KLHDC1: variants seen among roughly 807,000 people sequenced by gnomAD.
KLHDC1 encodes the protein kelch domain-containing protein 1.
A neutral mutation model predicts 68.3 loss-of-function variants in KLHDC1; 53 were observed. The observed-to-expected ratio is 0.78, with a 90% CI of 0.62 to 0.98. The LOEUF (loss-of-function observed/expected upper bound fraction) is 0.98. Ranked by LOEUF, KLHDC1 falls within the 50% of genes least tolerant of loss-of-function variation. The pLI is 0.00. For synonymous variants in KLHDC1, 148 were observed against 159.0 expected (o/e 0.93, Z 0.52); for missense variants, 470 against 492.3 (o/e 0.95, Z 0.43).
chr14:49,746,804 T>C (rs1187900791), intron 12 of KLHDC1, among the ~76,000 whole-genome samples: 2 of 152,110 alleles, frequency 1.3e-5, no homozygotes, highest in East Asian at 1.9e-4. Flanking sequence ...CTCAGCACAG[T>C]TCCACCTGTG....
At chr14:49,711,150 G>T (rs999816924) in intron 4 of KLHDC1, among the ~76,000 whole-genome samples, 23 of 151,882 alleles carry the variant, frequency 1.5e-4, no homozygotes, top group Non-Finnish European at 3.2e-4. Context: ...CTGCCACCAT[G>T]CCCGGCTAAT....
At chr14:49,726,629 A>G (rs770250045) in intron 6 of KLHDC1, among the ~76,000 whole-genome samples, 2 of 152,236 alleles carry the variant, frequency 1.3e-5, no homozygotes, top group Non-Finnish European at 2.9e-5. Context: ...AAAATACATT[A>G]TCAGTATTCT....
Position 49,752,585 on chromosome 14 carries a change from A to G in KLHDC1, c.*813A>G, listed in dbSNP as rs1889341310. ...TCTAAAGTAATTTTTGTAAGTAATG[A>G]GATGGGATGGTAATCTAGTAATTTG... On this transcript the variant is annotated 3_prime_UTR_variant, in exon 13 of 13. Coordinates refer to ENST00000359332, the MANE Select transcript of KLHDC1 (RefSeq NM_172193.3). 6.6e-6 allele frequency: 1 copy of G among 152,396 alleles called. No homozygotes were observed. Among genetic ancestry groups the G allele is most frequent in the South Asian group, 2.1e-4 (1 of 4,838 alleles). 9.4% of individuals were successfully genotyped at this position (152,396 alleles called of 1,614,324 possible). A position where few individuals can be genotyped will look rare whatever the true frequency, so the allele number is the denominator to read the frequency against.
chr14:49,713,835 TATATA>T (rs1210964094), intron 4 of KLHDC1, among the ~76,000 whole-genome samples: 1,145 of 9,846 alleles, frequency 0.12, 263 homozygotes, highest in Non-Finnish European at 0.16. Context: ...TATATATATA[TATATA>T]TATATATATA....
chr14:49,703,281 CACAT>C (rs1887957420), intron 1 of KLHDC1, among the ~76,000 whole-genome samples: 1 of 151,868 alleles, frequency 6.6e-6, no homozygotes, highest in South Asian at 2.1e-4. Context: ...AATTTTACTT[CACAT>C]ACATCTCTAA....
chr14:49,695,426 G>T (rs886164752), intron 1 of KLHDC1, among the ~76,000 whole-genome samples: 1 of 149,514 alleles, frequency 6.7e-6, no homozygotes, highest in Non-Finnish European at 1.5e-5. Flanking sequence ...CAGAGCTCTT[G>T]GGTGACTAGG....
At chr14:49,723,754 A>T (rs571438073) in intron 4 of KLHDC1, 120 bp from the exon 5 acceptor site, 54 of 602,448 alleles carry the variant, frequency 9.0e-5, no homozygotes, top group Non-Finnish European at 1.5e-4. Flanking sequence ...TCAGCTCTTT[A>T]TTCTTTTTAA....
At chr14:49,706,546 G>C (rs1399488908) in intron 1 of KLHDC1, among the ~76,000 whole-genome samples, 1 of 152,152 alleles carries the variant, frequency 6.6e-6, no homozygotes, top group African/African-American at 2.4e-5. Flanking sequence ...AGTTTTTAAA[G>C]AAACCTCCAA....
chr14:49,729,345 G>A (rs1180496387), intron 7 of KLHDC1, 145 bp from the exon 8 acceptor site: 4 of 654,498 alleles, frequency 6.1e-6, no homozygotes, highest in African/African-American at 1.8e-5. Flanking sequence ...TCTTATTAAT[G>A]CTTAGCATTG....
At chr14:49,719,983 A>G (rs887904385) in intron 4 of KLHDC1, among the ~76,000 whole-genome samples, 3 of 94,360 alleles carry the variant, frequency 3.2e-5, no homozygotes, top group Non-Finnish European at 6.5e-5. Flanking sequence ...CACCACACCA[A>G]GCTCATTTTT....
rs549214679 is a variant in KLHDC1, at chr14:49,695,527, T to G, written c.96+2237T>G. On this transcript the variant is annotated intron_variant, in intron 1 of 12. Coordinates refer to ENST00000359332, the MANE Select transcript of KLHDC1 (RefSeq NM_172193.3). ...AAGCCATGCTGTCAAAGAGACATGC[T>G]GTCATCCAGGCTTTCTTGTTCCGTT... is the stretch of plus-strand genomic sequence containing the variant. Among the ~76,000 whole-genome samples the G allele has an allele frequency of 4.6e-5, 7 of 152,336 alleles. No homozygotes were observed. The East Asian group carries it at 1.3e-3, about 29-fold the overall frequency.
chr14:49,720,337 C>T (rs1391714052), intron 4 of KLHDC1, among the ~76,000 whole-genome samples: 1 of 152,128 alleles, frequency 6.6e-6, no homozygotes, highest in Non-Finnish European at 1.5e-5. Context: ...CCAGGCAGAC[C>T]TGAAACTCCT....
In KLHDC1 at chr14:49,723,149, C is replaced by G. The variant is rs557669897; in HGVS notation, c.405-725C>G. 4.4e-4 allele frequency among the ~76,000 whole-genome samples: 63 copies of G among 143,930 alleles called. 1 individual carries two copies. Among genetic ancestry groups the G allele is most frequent in the African/African-American group, 1.6e-3 (61 of 38,994 alleles). The allele number at this position is 143,930 out of a possible 152,430, so 94.4% of individuals were successfully genotyped here. A position where few individuals can be genotyped will look rare whatever the true frequency, so the allele number is the denominator to read the frequency against. On this transcript the variant is annotated intron_variant, in intron 4 of 12. Transcript: ENST00000359332. ...ACCATGAGATCTCATGACACTTAAT[C>G]ACTATCATGAGGTCAGGGAAAGACC... is the stretch of plus-strand genomic sequence containing the variant.
intron 1 of KLHDC1, among the ~76,000 whole-genome samples, chr14:49,701,150 T>C (rs1323229488): frequency 6.6e-6 from 1 of 151,974 alleles, no homozygotes; most frequent in East Asian, 1.9e-4. Context: ...AATAAGACTA[T>C]TTTGTATTTA....
Position 49,740,213 on chromosome 14 carries a change from C to T in KLHDC1, c.981+31C>T, listed in dbSNP as rs375360303. On this transcript the variant is annotated intron_variant, in intron 11 of 12. Transcript: ENST00000359332. ...AAAATCTTATATCTAAATATTTCCT[C>T]TGAGTAGTTGTGTTATTCACACTAA... 1.9e-5 allele frequency: 25 copies of T among 1,339,716 alleles called. No individual in the cohort carries two copies. In the Admixed American group the frequency reaches 2.7e-4, roughly 14 times the overall value. The allele number at this position is 1,339,716 out of a possible 1,614,324, so 83.0% of individuals were successfully genotyped here. A position where few individuals can be genotyped will look rare whatever the true frequency, so the allele number is the denominator to read the frequency against.
In KLHDC1 at chr14:49,729,018, T is replaced by G; in HGVS notation, c.651+9T>G. The G allele has an allele frequency of 7.6e-6, 12 of 1,587,720 alleles. No individual in the cohort carries two copies. Among genetic ancestry groups the G allele is most frequent in the Non-Finnish European group, 1.0e-5 (12 of 1,156,464 alleles). On this transcript the variant is annotated intron_variant, in intron 7 of 12. Coordinates refer to ENST00000359332, the MANE Select transcript of KLHDC1 (RefSeq NM_172193.3). Reference sequence around the variant, plus strand: ...TTGGCGGACGTGTTCTGGTTAGTGTTTTTAATGGAAATGGTATTTTTATGT... The same window carrying G: ...TTGGCGGACGTGTTCTGGTTAGTGTGTTTAATGGAAATGGTATTTTTATGT...
chr14:49,697,441 TATAATA>T (rs371243644), intron 1 of KLHDC1, among the ~76,000 whole-genome samples: 9 of 152,038 alleles, frequency 5.9e-5, no homozygotes, highest in African/African-American at 1.4e-4. Context: ...CCATAACAGA[TATAATA>T]ATAATAATGC....
intron 1 of KLHDC1, among the ~76,000 whole-genome samples, chr14:49,693,544 A>G (rs1887634758): frequency 6.6e-6 from 1 of 151,724 alleles, no homozygotes; most frequent in African/African-American, 2.4e-5. Flanking sequence ...CCTCTTTGCC[A>G]GCAATTCAGT....
chr14:49,724,049 C>A (rs1205002678), intron 5 of KLHDC1, 97 bp downstream of exon 5: 2 of 674,370 alleles, frequency 3.0e-6, no homozygotes, highest in Non-Finnish European at 4.9e-6. Flanking sequence ...TTGGAGCTAC[C>A]AATTTGTCGT....
Sources: gnomAD v4.1 joint callset for allele counts (sites outside exome capture counted in the v4.1 genomes callset) on GRCh38, gnomAD v4.1.1 for gene constraint, MANE v1.5 for transcripts, NCBI Gene and HGNC (gene_info 2026-07-23, HGNC 2026-07-21) for gene names.